MTMR7: variants seen among roughly 807,000 people sequenced by gnomAD.
The protein encoded by MTMR7 is myotubularin related protein 7, also known as phosphatidylinositol-3-phosphate phosphatase MTMR7.
Under a neutral mutation model 81.2 loss-of-function variants are expected in MTMR7, and 76 were observed. That is an observed-to-expected ratio of 0.94 (90% CI 0.78 to 1.13). The LOEUF is 1.13. MTMR7 is among the 50% of genes most tolerant of loss of function. The pLI is 0.00. For missense variants in MTMR7, 1,044 were observed against 820.0 expected (o/e 1.27, Z -3.34); for synonymous variants, 372 against 289.8 (o/e 1.28, Z -2.88).
In MTMR7 at chr8:17,405,876, ACACC is replaced by A. The variant is rs55745747; in HGVS notation, c.24+7389_24+7392del. 4.5e-3 allele frequency among the ~76,000 whole-genome samples: 194 copies of A among 42,900 alleles called. 1 individual carries two copies. The highest frequency in any genetic ancestry group is 9.4e-3 in the Admixed American group (19 of 2,016). 28.1% of individuals were successfully genotyped at this position (42,900 alleles called of 152,430 possible). A position where few individuals can be genotyped will look rare whatever the true frequency, so the allele number is the denominator to read the frequency against. The stretch of plus-strand genomic sequence containing the variant: ...CACACACACACACACACACACACAC[ACACC>A]ACAGAGAAAATGGACATGATTTTCT... On this transcript the variant is annotated intron_variant, in intron 1 of 13. Transcript: ENST00000180173.
At chr8:17,356,531 T>TCTA (rs200573652) in intron 4 of MTMR7, among the ~76,000 whole-genome samples, 2 of 152,010 alleles carry the variant, frequency 1.3e-5, no homozygotes, top group Admixed American at 6.6e-5. Context: ...AAATACCATC[T>TCTA]CTACTACTAC....
At chr8:17,331,367 A>G (rs1818994048) in intron 6 of MTMR7, 85 bp from the exon 7 acceptor site, 1 of 1,369,824 alleles carries the variant, frequency 7.3e-7, no homozygotes, top group Non-Finnish European at 9.8e-7. Context: ...TGGATACCCA[A>G]TCAAAGCATT....
At chr8:17,409,186 C>T (rs953946883) in intron 1 of MTMR7, among the ~76,000 whole-genome samples, 5 of 152,142 alleles carry the variant, frequency 3.3e-5, no homozygotes. Context: ...AGGCTGGGCA[C>T]AGTGGCTCAA....
At chr8:17,371,411 T>C (rs1260874860) in intron 2 of MTMR7, among the ~76,000 whole-genome samples, 1 of 152,236 alleles carries the variant, frequency 6.6e-6, no homozygotes, top group Non-Finnish European at 1.5e-5. Flanking sequence ...CCAAGCTTCC[T>C]GATATCCAGG....
intron 3 of MTMR7, among the ~76,000 whole-genome samples, chr8:17,370,148 G>C (rs1457098205): frequency 2.7e-5 from 4 of 150,302 alleles, no homozygotes; most frequent in Middle Eastern, 3.4e-3. Context: ...TTTTTTCCAG[G>C]AGAATCAGCA....
At chr8:17,342,091 AT>A (rs910250295) in intron 5 of MTMR7, among the ~76,000 whole-genome samples, 1 of 151,448 alleles carries the variant, frequency 6.6e-6, no homozygotes. Flanking sequence ...AACAAGGGGG[AT>A]TTTTTTTTGG....
At chr8:17,406,921 A>C (rs1821600859) in intron 1 of MTMR7, among the ~76,000 whole-genome samples, 1 of 152,114 alleles carries the variant, frequency 6.6e-6, no homozygotes, top group Non-Finnish European at 1.5e-5. Context: ...ATATATAGAG[A>C]CAGAATGTAT....
At chr8:17,311,016 A>C (rs1817752168) in intron 9 of MTMR7, among the ~76,000 whole-genome samples, 1 of 152,190 alleles carries the variant, frequency 6.6e-6, no homozygotes, top group Non-Finnish European at 1.5e-5. Flanking sequence ...CAACAACAAA[A>C]GGCTGTGAAA....
At chr8:17,303,127 T>G (rs904679931) in intron 12 of MTMR7, among the ~76,000 whole-genome samples, 1 of 152,162 alleles carries the variant, frequency 6.6e-6, no homozygotes. Flanking sequence ...AGTAAGTACT[T>G]TGAGGGCAAG....
At chr8:17,333,832 G>A (rs1283426287) in intron 6 of MTMR7, among the ~76,000 whole-genome samples, 1 of 152,116 alleles carries the variant, frequency 6.6e-6, no homozygotes, top group Non-Finnish European at 1.5e-5. Context: ...CTAGGTGACA[G>A]AGCAAGACCC....
intron 4 of MTMR7, among the ~76,000 whole-genome samples, chr8:17,352,158 A>G (rs990943738): frequency 6.6e-6 from 1 of 152,226 alleles, no homozygotes; most frequent in Admixed American, 6.5e-5. Context: ...AAAAGAACAA[A>G]GAGGACTTAC....
chr8:17,358,384 G>C (rs566719848), intron 4 of MTMR7, among the ~76,000 whole-genome samples: 4 of 152,258 alleles, frequency 2.6e-5, no homozygotes, highest in Non-Finnish European at 5.9e-5. Flanking sequence ...GCTAAGCAGA[G>C]TAACTTTAAA....
At chr8:17,382,777 G>A (rs1820799550) in intron 1 of MTMR7, among the ~76,000 whole-genome samples, 1 of 152,080 alleles carries the variant, frequency 6.6e-6, no homozygotes, top group African/African-American at 2.4e-5. Context: ...TTTTCTCAAT[G>A]TTCTTCCACT....
intron 7 of MTMR7, 84 bp downstream of exon 7, chr8:17,331,066 T>C (rs1217471941): frequency 6.7e-7 from 1 of 1,492,986 alleles, no homozygotes; most frequent in Admixed American, 2.3e-5. Flanking sequence ...TGTAAAAACA[T>C]TTTAAAATCA....
intron 1 of MTMR7, among the ~76,000 whole-genome samples, chr8:17,395,705 T>C (rs1384121823): frequency 1.3e-5 from 2 of 152,252 alleles, no homozygotes. Context: ...GATGTACTTA[T>C]TGGCCATTTG....
rs762522458 is a variant in MTMR7, at chr8:17,304,408, G to C, written c.1464C>G (p.Leu488=). 12 of 1,613,910 alleles carry C rather than the reference G, an allele frequency of 7.4e-6. No individual in the cohort carries two copies. The East Asian group carries it at 2.0e-4, about 27-fold the overall frequency. The change falls in exon 12 of 14, where the codon CTC becomes CTG. Residue 488 remains leucine (L), a synonymous_variant. Transcript: ENST00000180173. ...DHSQTQGTLH[L]PTTPCNFMYK... The stretch of plus-strand genomic sequence containing the variant: ...ACATGAAGTTACATGGTGTTGTAGG[G>C]AGATGAAGGGTTCCCTGAGTCTGGC...
At chr8:17,332,214 C>T (rs1435341370) in intron 6 of MTMR7, among the ~76,000 whole-genome samples, 1 of 140,596 alleles carries the variant, frequency 7.1e-6, no homozygotes, top group African/African-American at 3.2e-5. Flanking sequence ...ACTGAGAACT[C>T]ACCACCAGAA....
chr8:17,409,072 C>G lies in MTMR7; in HGVS notation c.24+4197G>C, dbSNP rs1037578195. The stretch of plus-strand genomic sequence containing the variant: ...CACTGACATCCACAAATATTTCACA[C>G]TAATACTATAAGATCCACAACACTG... On this transcript the variant is annotated intron_variant, in intron 1 of 13. Coordinates refer to ENST00000180173, the MANE Select transcript of MTMR7 (RefSeq NM_004686.5). 2.3e-4 allele frequency among the ~76,000 whole-genome samples: 35 copies of G among 152,154 alleles called. 1 individual carries two copies. The highest frequency in any genetic ancestry group is 5.1e-4 in the Non-Finnish European group (35 of 68,032).
intron 4 of MTMR7, chr8:17,349,486 A>C (rs1165991173): frequency 1.1e-5 from 2 of 181,636 alleles, no homozygotes; most frequent in Non-Finnish European, 2.4e-5. Context: ...AAACATAAGC[A>C]CACTGGTTAA....
Sources: allele counts gnomAD v4.1 joint callset (sites outside exome capture counted in the v4.1 genomes callset), GRCh38; gene constraint gnomAD v4.1.1; transcripts MANE v1.5; gene names NCBI Gene and HGNC (gene_info 2026-07-23, HGNC 2026-07-21).